Variants in CHST13 observed in about 807,000 individuals in gnomAD.
CHST13 encodes C4ST-3.
A neutral mutation model predicts 7.0 loss-of-function variants in CHST13; 1 was observed. That is an observed-to-expected ratio of 0.14 (90% CI 0.05 to 0.68). The LOEUF (loss-of-function observed/expected upper bound fraction) is 0.68, where lower values mean the gene tolerates loss of function less well. CHST13 is among the 30% of genes least tolerant of loss of function. CHST13 has a pLI of 0.82. For synonymous variants in CHST13, 257 were observed against 240.9 expected, an observed-to-expected ratio of 1.07 and a Z score of -0.62; for missense variants, 572 against 507.9, an observed-to-expected ratio of 1.13 and a Z score of -1.21.
chr3:126,533,323 G>C (rs1315465592), intron 1 of CHST13, among the ~76,000 whole-genome samples: 1 of 152,168 alleles, frequency 6.6e-6, no homozygotes, highest in Non-Finnish European at 1.5e-5. Flanking sequence ...TAGGGAGAAA[G>C]CTTCCAGTCT....
intron 2 of CHST13, among the ~76,000 whole-genome samples, chr3:126,540,463 CCTCA>C (rs1024681805): frequency 2.6e-5 from 4 of 152,142 alleles, no homozygotes; most frequent in African/African-American, 9.7e-5. Context: ...GCTCTAGGGA[CCTCA>C]CTAAGTGGGA....
At chr3:126,530,468 A>C (rs1461498213) in intron 1 of CHST13, among the ~76,000 whole-genome samples, 1 of 151,630 alleles carries the variant, frequency 6.6e-6, no homozygotes, top group Admixed American at 6.6e-5. Flanking sequence ...CTGCCCCTCC[A>C]CCCCCTGCCC....
Position 126,542,729 on chromosome 3 carries a change from G to T in CHST13, c.*151G>T. 8.1e-7 allele frequency: 1 copy of T among 1,229,102 alleles called. No individual in the cohort carries two copies. Among genetic ancestry groups the T allele is most frequent in the East Asian group, 3.2e-5 (1 of 31,052 alleles). The allele number at this position is 1,229,102 out of a possible 1,614,324, so 76.1% of individuals were successfully genotyped here. On this transcript the variant is annotated 3_prime_UTR_variant, in exon 3 of 3. Transcript: ENST00000319340. The stretch of plus-strand genomic sequence containing the variant: ...GGCCAGCGGGCGCAGGGCACACCTG[G>T]CCAGGCTTGGGGGCAGCCCATCTCA...
rs908252292 is a variant in CHST13, at chr3:126,542,165, G to C, written c.613G>C (p.Val205Leu). The change falls in exon 3 of 3, where the codon GTT becomes CTT. Residue 205 changes from valine to leucine, a missense_variant. Val to Leu is a conservative substitution (Grantham distance 32). Coordinates refer to ENST00000319340, the MANE Select transcript of CHST13 (RefSeq NM_152889.3). ...CCAGAGGCGCTACGGTGCACGCATCGTTCAGCGCCTGCGGCCGCGCGCGCT... is the reference window on the plus strand; with the variant it reads ...CCAGAGGCGCTACGGTGCACGCATCCTTCAGCGCCTGCGGCCGCGCGCGCT... Reference protein sequence around the residue: ...AFQRRYGARIVQRLRPRALPD... With the variant: ...AFQRRYGARILQRLRPRALPD... 3 of 1,494,246 alleles carry C rather than the reference G, an allele frequency of 2.0e-6. No homozygotes were observed. The highest frequency in any genetic ancestry group is 2.7e-6 in the Non-Finnish European group (3 of 1,130,326). The allele number at this position is 1,494,246 out of a possible 1,614,324, so 92.6% of individuals were successfully genotyped here.
At chr3:126,537,028 C>A (rs1330610888) in intron 2 of CHST13, among the ~76,000 whole-genome samples, 1 of 152,158 alleles carries the variant, frequency 6.6e-6, no homozygotes, top group East Asian at 1.9e-4. Flanking sequence ...TTGGCCAGGT[C>A]CCTCCCCTAG....
chr3:126,528,318 G>A (rs534833116), intron 1 of CHST13, among the ~76,000 whole-genome samples: 1 of 152,200 alleles, frequency 6.6e-6, no homozygotes, highest in Non-Finnish European at 1.5e-5. Flanking sequence ...AAGGTTGCAG[G>A]GGTTACAGAA....
intron 1 of CHST13, among the ~76,000 whole-genome samples, chr3:126,535,486 C>T (rs1255653336): frequency 6.0e-5 from 9 of 151,032 alleles, no homozygotes; most frequent in South Asian, 2.1e-4. Flanking sequence ...TGTCCTCAGC[C>T]GGGAGACACA....
intron 1 of CHST13, among the ~76,000 whole-genome samples, chr3:126,530,887 G>A (rs774368437): frequency 5.3e-5 from 8 of 152,236 alleles, no homozygotes; most frequent in Non-Finnish European, 7.3e-5. Flanking sequence ...ACTGGAGTCT[G>A]GCCCTTGTTC....
chr3:126,542,160 G>C lies in CHST13; in HGVS notation c.608G>C (p.Arg203Pro). 1.3e-6 allele frequency: 2 copies of C among 1,514,746 alleles called. No individual in the cohort carries two copies. The highest frequency in any genetic ancestry group is 2.6e-5 in the East Asian group (1 of 38,658). 93.8% of individuals were successfully genotyped at this position (1,514,746 alleles called of 1,614,324 possible). ...GCCTTCCAGAGGCGCTACGGTGCAC[G>C]CATCGTTCAGCGCCTGCGGCCGCGC... Reference protein sequence around the residue: ...SAAFQRRYGARIVQRLRPRAL... With the variant: ...SAAFQRRYGAPIVQRLRPRAL... Residue 203 changes from arginine to proline, a missense_variant, in exon 3 of 3, where the codon CGC (arginine) becomes CCC (proline). By Grantham distance (103) the Arg-to-Pro change is moderately radical. Coordinates refer to ENST00000319340, the MANE Select transcript of CHST13 (RefSeq NM_152889.3).
In CHST13 at chr3:126,524,253, C is replaced by T. The variant is rs113217824; in HGVS notation, c.-80C>T. On this transcript the variant is annotated 5_prime_UTR_variant, in exon 1 of 3. Transcript: ENST00000319340. ...CGCGTCTTGGTAGGCGCTGCGCTGCCGGGGCCGGGTCCTGGGCCAGTGCAA... is the reference window on the plus strand; with the variant it reads ...CGCGTCTTGGTAGGCGCTGCGCTGCTGGGGCCGGGTCCTGGGCCAGTGCAA... 250 of 1,112,800 alleles carry T rather than the reference C, an allele frequency of 2.2e-4. 3 individuals are homozygous for T. The South Asian group carries it at 1.0e-2, about 44-fold the overall frequency. 68.9% of individuals were successfully genotyped at this position (1,112,800 alleles called of 1,614,324 possible). A position where few individuals can be genotyped will look rare whatever the true frequency, so the allele number is the denominator to read the frequency against.
At chr3:126,539,700 C>A (rs1366922431) in intron 2 of CHST13, among the ~76,000 whole-genome samples, 3 of 123,228 alleles carry the variant, frequency 2.4e-5, no homozygotes, top group Admixed American at 8.0e-5. Context: ...ACACACACAC[C>A]ACACACATAT....
At chr3:126,524,467 A>C in intron 1 of CHST13, 38 bp downstream of exon 1, 9 of 743,084 alleles carry the variant, frequency 1.2e-5, no homozygotes, top group Non-Finnish European at 1.7e-5. Context: ...CCCCCAACCA[A>C]ACCTGGCTCC....
intron 2 of CHST13, 35 bp downstream of exon 2, chr3:126,536,388 C>A (rs375884058): frequency 6.5e-7 from 1 of 1,543,690 alleles, no homozygotes; most frequent in Non-Finnish European, 9.0e-7. Flanking sequence ...GGCATGCCCC[C>A]CTCCATCCCA....
intron 1 of CHST13, chr3:126,529,292 G>C (rs898946419): frequency 8.6e-6 from 11 of 1,285,176 alleles, no homozygotes; most frequent in African/African-American, 1.5e-5. Flanking sequence ...TGCAGCAATC[G>C]CATGGCCTTG....
chr3:126,542,325 G>T lies in CHST13; in HGVS notation c.773G>T (p.Arg258Leu). The change falls in exon 3 of 3, where the codon CGC (arginine) becomes CTC (leucine). Residue 258 changes from arginine (R) to leucine (L), a missense_variant. Transcript: ENST00000319340. ...ERAHALCHPC[R>L]LRYDVVGKFE... The stretch of plus-strand genomic sequence containing the variant: ...GCGCACGCGCTCTGCCACCCGTGTC[G>T]CCTCCGCTACGACGTCGTGGGCAAG... The T allele has an allele frequency of 1.3e-6, 2 of 1,567,952 alleles. No individual in the cohort carries two copies.
At chr3:126,533,232 C>G (rs1019182876) in intron 1 of CHST13, among the ~76,000 whole-genome samples, 1 of 152,020 alleles carries the variant, frequency 6.6e-6, no homozygotes, top group African/African-American at 2.4e-5. Context: ...TTTATTTTCC[C>G]TGCCCAATTA....
At position 126,543,046 on chromosome 3, in the gene CHST13, T is replaced by A. The variant is rs1937005612; in HGVS notation, c.*468T>A. On this transcript the variant is annotated 3_prime_UTR_variant, in exon 3 of 3. Coordinates refer to ENST00000319340, the MANE Select transcript of CHST13 (RefSeq NM_152889.3). ...CCAAGGACGAAAGCCCTCCCTTGGC[T>A]GGCCTCACGATGGGGCCGTCCCGGG... 6.6e-6 allele frequency: 1 copy of A among 152,484 alleles called. No individual in the cohort carries two copies. Among genetic ancestry groups the A allele is most frequent in the Admixed American group, 6.5e-5 (1 of 15,288 alleles). 9.4% of individuals were successfully genotyped at this position (152,484 alleles called of 1,614,324 possible).
In CHST13 at chr3:126,524,404, C is replaced by G; in HGVS notation, c.72C>G (p.Cys24Trp). The G allele has an allele frequency of 7.5e-6, 9 of 1,202,092 alleles. No homozygotes were observed. The highest frequency in any genetic ancestry group is 9.4e-6 in the Non-Finnish European group (9 of 961,472). 74.5% of individuals were successfully genotyped at this position (1,202,092 alleles called of 1,614,324 possible). ...ACLGAALLLL[C>W]AAPRSLRPAF... ...TGGGCGCCGCGCTCCTGCTCCTATGCGCCGCGCCCCGCTCCCTGCGCCCGG... is the reference window on the plus strand; with the variant it reads ...TGGGCGCCGCGCTCCTGCTCCTATGGGCCGCGCCCCGCTCCCTGCGCCCGG... Residue 24 changes from cysteine to tryptophan, a missense_variant, in exon 1 of 3, where the codon TGC (cysteine) becomes TGG (tryptophan). Transcript: ENST00000319340.
At position 126,538,073 on chromosome 3, in the gene CHST13, A is replaced by G. The variant is rs187059417; in HGVS notation, c.180+1720A>G. ...TCCCCAAAGAGAGCTGTGTGACCTCAGGCAACTCATTTCCCCTGAGTCTCA... is the reference window on the plus strand; with the variant it reads ...TCCCCAAAGAGAGCTGTGTGACCTCGGGCAACTCATTTCCCCTGAGTCTCA... On this transcript the variant is annotated intron_variant, in intron 2 of 2. Transcript: ENST00000319340. Among the ~76,000 whole-genome samples the G allele has an allele frequency of 2.6e-5, 4 of 152,350 alleles. No individual in the cohort carries two copies. The East Asian group carries it at 7.7e-4, about 29-fold the overall frequency.
Sources: allele counts gnomAD v4.1 joint callset (sites outside exome capture counted in the v4.1 genomes callset), GRCh38; gene constraint gnomAD v4.1.1; transcripts MANE v1.5; gene names NCBI Gene and HGNC (gene_info 2026-07-23, HGNC 2026-07-21).